The following MTHFD1L variants were observed in gnomAD, a reference collection of about 807,000 sequenced individuals.
The protein encoded by MTHFD1L is methylenetetrahydrofolate dehydrogenase (NADP+ dependent) 1 like, also known as monofunctional C1-tetrahydrofolate synthase, mitochondrial.
Under a neutral mutation model 119.5 loss-of-function variants are expected in MTHFD1L, and 81 were observed. The ratio of observed to expected loss-of-function variants is 0.68; its 90% CI spans 0.57 to 0.82. The LOEUF (loss-of-function observed/expected upper bound fraction) is 0.82. Ranked by LOEUF, MTHFD1L falls within the 40% of genes least tolerant of loss-of-function variation. The pLI is 0.00. For missense variants in MTHFD1L, 1,125 were observed against 1,253.4 expected (o/e 0.90, Z 1.55); for synonymous variants, 430 against 475.2 (o/e 0.90, Z 1.24).
At chr6:150,961,243 G>A (rs931620616) in intron 18 of MTHFD1L, among the ~76,000 whole-genome samples, 8 of 152,012 alleles carry the variant, frequency 5.3e-5, no homozygotes, top group East Asian at 3.9e-4. Context: ...ACAGGCGCAC[G>A]CCACCACGCC....
At chr6:150,893,191 A>G (rs1453292701) in intron 7 of MTHFD1L, among the ~76,000 whole-genome samples, 2 of 152,118 alleles carry the variant, frequency 1.3e-5, no homozygotes, top group Non-Finnish European at 2.9e-5. Flanking sequence ...CAGCCACCTG[A>G]GTAGCTGGGA....
rs1340690598 is a variant in MTHFD1L, at chr6:151,039,262, G to T, written c.2847+2145G>T. Among the ~76,000 whole-genome samples the T allele has an allele frequency of 6.6e-6, 1 of 152,174 alleles. No homozygotes were observed. The highest frequency in any genetic ancestry group is 2.4e-5 in the African/African-American group (1 of 41,432). On this transcript the variant is annotated intron_variant, in intron 26 of 27. Coordinates refer to ENST00000367321, the MANE Select transcript of MTHFD1L (RefSeq NM_015440.5). This position sits in a 1 kb window ranked among gnomAD's most constrained non-coding sequence, Gnocchi z 4.4. Reference sequence around the variant, plus strand: ...TTGGCACAGGGAGAAGGGCCTGGATGAAATGGGTTCTGAATGACATTTTCA... The same window carrying T: ...TTGGCACAGGGAGAAGGGCCTGGATTAAATGGGTTCTGAATGACATTTTCA...
chr6:150,874,272 C>G (rs994742429), intron 1 of MTHFD1L, among the ~76,000 whole-genome samples: 2 of 152,156 alleles, frequency 1.3e-5, no homozygotes, highest in African/African-American at 2.4e-5. Flanking sequence ...TGTTTCCAAA[C>G]AAAACTAACT....
chr6:151,066,689 C>T (rs564797777), intron 26 of MTHFD1L, among the ~76,000 whole-genome samples: 4 of 150,498 alleles, frequency 2.7e-5, no homozygotes, highest in East Asian at 4.0e-4. Flanking sequence ...GGCGTGAACC[C>T]GGGAGGCGGA....
intron 8 of MTHFD1L, among the ~76,000 whole-genome samples, chr6:150,909,266 T>TAA (rs74724132): frequency 0.053 from 7,467 of 140,308 alleles, 210 homozygotes; most frequent in Non-Finnish European, 0.072. Flanking sequence ...GTAACTACTT[T>TAA]AAAAAAAAAA....
At chr6:151,069,453 T>C (rs557156879) in intron 26 of MTHFD1L, among the ~76,000 whole-genome samples, 1 of 152,176 alleles carries the variant, frequency 6.6e-6, no homozygotes, top group East Asian at 1.9e-4. Context: ...ATACAGTGGA[T>C]TCTCTGTGCT....
intron 20 of MTHFD1L, among the ~76,000 whole-genome samples, chr6:150,991,539 A>G (rs1433889259): frequency 6.6e-6 from 1 of 152,206 alleles, no homozygotes; most frequent in African/African-American, 2.4e-5. Context: ...TTTTACAATT[A>G]CTGTGTATTA....
chr6:150,895,519 C>G (rs796136755), intron 7 of MTHFD1L, among the ~76,000 whole-genome samples: 19 of 152,168 alleles, frequency 1.2e-4, no homozygotes, highest in African/African-American at 3.9e-4. Flanking sequence ...TCCCTCTCCT[C>G]CTGAGCACAG....
intron 26 of MTHFD1L, among the ~76,000 whole-genome samples, chr6:151,048,962 G>A (rs908632595): frequency 8.5e-5 from 13 of 152,100 alleles, no homozygotes; most frequent in African/African-American, 3.1e-4. Flanking sequence ...AGATGGTGTC[G>A]GATCCCACAG....
rs573487799 is a variant in MTHFD1L at position 151,044,842 on chromosome 6, C to T, written c.2847+7725C>T. Among the ~76,000 whole-genome samples, 4 of 152,270 alleles carry T rather than the reference C, an allele frequency of 2.6e-5. No individual in the cohort carries two copies. In the East Asian group the frequency reaches 7.7e-4, roughly 29 times the overall value. ...AGCGTGTTTGGGGCATCAGTGATGT[C>T]ACCCGCTACAAATGCTGGGTGGGGT... On this transcript the variant is annotated intron_variant, in intron 26 of 27. Transcript: ENST00000367321.
At chr6:150,903,229 T>G (rs1026006773) in intron 7 of MTHFD1L, among the ~76,000 whole-genome samples, 2 of 131,624 alleles carry the variant, frequency 1.5e-5, no homozygotes, top group African/African-American at 5.9e-5. Context: ...TTTTTTTTTT[T>G]TTTTTTGAGA....
At chr6:151,006,596 A>G (rs1271801660) in intron 20 of MTHFD1L, among the ~76,000 whole-genome samples, 1 of 152,094 alleles carries the variant, frequency 6.6e-6, no homozygotes, top group Non-Finnish European at 1.5e-5. Flanking sequence ...TGAGCTTGCA[A>G]TTTTTCAAGG....
chr6:151,026,818 TCC>T, intron 24 of MTHFD1L, among the ~76,000 whole-genome samples: 1 of 116,442 alleles, frequency 8.6e-6, no homozygotes, highest in Non-Finnish European at 1.8e-5. Context: ...GTCCTTTCTA[TCC>T]TTTTTTTTTT....
chr6:150,938,059 C>A (rs1792419861), intron 12 of MTHFD1L, among the ~76,000 whole-genome samples: 1 of 152,046 alleles, frequency 6.6e-6, no homozygotes, highest in Non-Finnish European at 1.5e-5. Context: ...ACTTGGTTGC[C>A]CAGGCTGGAA....
chr6:150,915,347 C>T (rs541251711), intron 8 of MTHFD1L, among the ~76,000 whole-genome samples: 157 of 152,110 alleles, frequency 1.0e-3, no homozygotes, highest in African/African-American at 3.7e-3. Context: ...CAGTGTGGCC[C>T]AGGGAAGCCA....
chr6:151,094,231 TC>T (rs1447468994), intron 27 of MTHFD1L, among the ~76,000 whole-genome samples: 2 of 152,220 alleles, frequency 1.3e-5, no homozygotes, highest in Non-Finnish European at 2.9e-5. Flanking sequence ...CAGCATATTC[TC>T]GGCCTTTGCA....
intron 27 of MTHFD1L, among the ~76,000 whole-genome samples, chr6:151,100,246 C>A (rs1344903269): frequency 1.3e-5 from 2 of 152,114 alleles, no homozygotes; most frequent in African/African-American, 2.4e-5. Context: ...CCGTGTTAGA[C>A]AGGATGGTCT....
rs1794418339 is a variant in MTHFD1L, at chr6:151,091,261, G to GCAGCATTGCTCCATGTGACTGGGTA, written c.2848-1182_2848-1181insACAGCATTGCTCCATGTGACTGGGT. 2.0e-5 allele frequency among the ~76,000 whole-genome samples: 3 copies of GCAGCATTGCTCCATGTGACTGGGTA among 152,176 alleles called. 1 individual carries two copies. The highest frequency in any genetic ancestry group is 4.1e-4 in the South Asian group (2 of 4,836). On this transcript the variant is annotated intron_variant, in intron 26 of 27. Coordinates refer to ENST00000367321, the MANE Select transcript of MTHFD1L (RefSeq NM_015440.5). ...GCAGCATCGTTCCATGCGACTGGGT[G>GCAGCATTGCTCCATGTGACTGGGTA]CAGCATTGCTCCATGTGACTGGGTG...
At chr6:150,873,762 G>T (rs1374680936) in intron 1 of MTHFD1L, among the ~76,000 whole-genome samples, 1 of 152,080 alleles carries the variant, frequency 6.6e-6, no homozygotes, top group East Asian at 1.9e-4. Context: ...CTGCCTCCTG[G>T]GTTCAAGTGA....
Sources: allele counts gnomAD v4.1 joint callset (sites outside exome capture counted in the v4.1 genomes callset), GRCh38; gene constraint gnomAD v4.1.1; non-coding constraint Gnocchi (gnomAD v3.1); transcripts MANE v1.5; gene names NCBI Gene and HGNC (gene_info 2026-07-23, HGNC 2026-07-21).